PAX6: variants seen among roughly 807,000 people sequenced by gnomAD.
PAX6 encodes paired box protein Pax-6.
In PAX6, 7 loss-of-function variants were observed where a neutral mutation model predicts 60.7. That is an observed-to-expected ratio of 0.12 (90% CI 0.07 to 0.22). The LOEUF (loss-of-function observed/expected upper bound fraction) is 0.22. PAX6 is among the 10% of genes least tolerant of loss of function. The pLI is 1.00. For missense variants in PAX6, 355 were observed against 555.2 expected (o/e 0.64, Z 3.62); for synonymous variants, 208 against 201.2 (o/e 1.03, Z -0.29).
intron 8 of PAX6, among the ~76,000 whole-genome samples, chr11:31,796,152 C>T (rs1160946689): frequency 6.6e-6 from 1 of 152,220 alleles, no homozygotes; most frequent in African/African-American, 2.4e-5. Flanking sequence ...CATATGGGCC[C>T]TTGGAGATCT....
At chr11:31,808,197 G>T (rs1390808580) in intron 2 of PAX6, 3 of 151,906 alleles carry the variant, frequency 2.0e-5, no homozygotes, top group Non-Finnish European at 4.4e-5. Context: ...TTATTGATCT[G>T]CCTGCCTGCA....
intron 8 of PAX6, among the ~76,000 whole-genome samples, chr11:31,797,066 C>T (rs970037642): frequency 2.6e-5 from 4 of 152,126 alleles, no homozygotes; most frequent in Non-Finnish European, 5.9e-5. Context: ...CTGGAAATAG[C>T]TCCTTTTGGC....
rs369667129 is a variant in PAX6 at position 31,794,169 on chromosome 11, A to G, written c.725-55T>C. The G allele has an allele frequency of 9.4e-4, 1,116 of 1,193,064 alleles. 4 individuals carry two copies. Among genetic ancestry groups the G allele is most frequent in the Non-Finnish European group, 7.6e-4 (605 of 795,458 alleles). 73.9% of individuals were successfully genotyped at this position (1,193,064 alleles called of 1,614,324 possible). On this transcript the variant is annotated intron_variant, in intron 9 of 13. Coordinates refer to ENST00000640368, the MANE Select transcript of PAX6 (RefSeq NM_001368894.2). Reference sequence around the variant, plus strand: ...TGCCAGAACTACACAAAATATGTTGACCAAACTGTGCATCAAACTGGTTCC... The same window carrying G: ...TGCCAGAACTACACAAAATATGTTGGCCAAACTGTGCATCAAACTGGTTCC...
chr11:31,793,284 G>A lies in PAX6; in HGVS notation c.1074+154C>T, dbSNP rs533995423. 5 of 724,574 alleles carry A rather than the reference G, an allele frequency of 6.9e-6. No individual in the cohort carries two copies. In the Admixed American group the frequency reaches 9.8e-5, roughly 14 times the overall value. 44.9% of individuals were successfully genotyped at this position (724,574 alleles called of 1,614,324 possible). On this transcript the variant is annotated intron_variant, in intron 12 of 13. Coordinates refer to ENST00000640368, the MANE Select transcript of PAX6 (RefSeq NM_001368894.2). The stretch of plus-strand genomic sequence containing the variant: ...ATGAGTCAATCACTTAAAAGTGATG[G>A]GATTGACTGTCTCCGACTTGACTGG...
chr11:31,803,026 C>G, intron 4 of PAX6, 192 bp from the exon 5 acceptor site: 1 of 663,780 alleles, frequency 1.5e-6, no homozygotes, highest in East Asian at 2.7e-5. Context: ...CAACCTGTGC[C>G]AACCTCGGCG....
At chr11:31,790,232 G>A in intron 13 of PAX6, 2 of 529,422 alleles carry the variant, frequency 3.8e-6, no homozygotes, top group Non-Finnish European at 6.4e-6. Flanking sequence ...TGGATCCCAA[G>A]TACCCCCCAC....
intron 12 of PAX6, 89 bp downstream of exon 12, chr11:31,793,349 C>CAGA (rs1565196872): frequency 9.3e-7 from 1 of 1,077,632 alleles, no homozygotes; most frequent in South Asian, 1.2e-5. Context: ...CTCAAGGGTG[C>CAGA]AGACACAGCC....
At chr11:31,799,278 C>T (rs1192049356) in intron 8 of PAX6, among the ~76,000 whole-genome samples, 1 of 151,960 alleles carries the variant, frequency 6.6e-6, no homozygotes, top group East Asian at 1.9e-4. Flanking sequence ...GCGGCGGGTT[C>T]GGGGCCCGTG....
chr11:31,806,016 C>T (rs1955682095), intron 4 of PAX6: 1 of 250,886 alleles, frequency 4.0e-6, no homozygotes. Context: ...CCAAAGGGGC[C>T]TCCTTCTCGC....
upstream of PAX6, chr11:31,813,216 C>T (rs1001422533): frequency 6.6e-6 from 1 of 152,124 alleles, no homozygotes; most frequent in East Asian, 1.9e-4. Flanking sequence ...GGTTTCATTT[C>T]GCAGGAGCGC....
intron 1 of PAX6, chr11:31,817,699 C>G (rs1382752744): frequency 1.3e-5 from 2 of 152,262 alleles, no homozygotes; most frequent in Non-Finnish European, 2.9e-5. Flanking sequence ...AAGCAAAAAT[C>G]AAGCCCCGGG....
At chr11:31,813,694 C>A (rs1359847995), upstream of PAX6, among the ~76,000 whole-genome samples, 1 of 152,132 alleles carries the variant, frequency 6.6e-6, no homozygotes, top group Non-Finnish European at 1.5e-5. Flanking sequence ...CCTGGAAACT[C>A]CTCCGCACAA....
chr11:31,812,296 CTCTCTCTGTGTG>C (rs974883506), upstream of PAX6: 2 of 109,938 alleles, frequency 1.8e-5, no homozygotes, highest in African/African-American at 8.7e-5. Flanking sequence ...GATTCTCTCT[CTCTCTCTGTGTG>C]TGTGTGTGTG....
chr11:31,794,682 C>T lies in PAX6; in HGVS notation c.672G>A (p.Leu224=). 1.2e-6 allele frequency: 2 copies of T among 1,614,196 alleles called. No homozygotes were observed. Among genetic ancestry groups the T allele is most frequent in the Admixed American group, 1.7e-5 (1 of 60,032 alleles). Residue 224 remains leucine, a synonymous_variant, in exon 9 of 14, where the codon CTG becomes CTA. Transcript: ENST00000640368. ...GGGTAAAGGATGTTCTATTTCTTTG[C>T]AGCTTCCGCTTCAGCTGAAGTCGCA... ...AQMRLQLKRK[L]QRNRTSFTQE...
chr11:31,802,911 G>T, intron 4 of PAX6, 77 bp from the exon 5 acceptor site: 1 of 1,405,676 alleles, frequency 7.1e-7, no homozygotes, highest in Non-Finnish European at 9.9e-7. Flanking sequence ...GGGAGAAGAA[G>T]GAAGAGGAAG....
At chr11:31,801,276 G>T (rs1953742928) in intron 7 of PAX6, 2 of 1,395,236 alleles carry the variant, frequency 1.4e-6, no homozygotes, top group Non-Finnish European at 1.9e-6. Context: ...TTACAATCTG[G>T]TTCTCATTTT....
intron 4 of PAX6, chr11:31,806,133 G>A: frequency 4.1e-6 from 2 of 482,070 alleles, no homozygotes; most frequent in East Asian, 3.5e-5. Context: ...ATTTGGGGGG[G>A]ATGGGGTTTC....
intron 8 of PAX6, among the ~76,000 whole-genome samples, chr11:31,796,345 C>G (rs1448291392): frequency 6.6e-6 from 1 of 152,118 alleles, no homozygotes; most frequent in African/African-American, 2.4e-5. Flanking sequence ...TGCAGCGGGC[C>G]ACATTGTGTT....
At chr11:31,813,574 C>T (rs1178245252), upstream of PAX6, among the ~76,000 whole-genome samples, 2 of 152,074 alleles carry the variant, frequency 1.3e-5, no homozygotes, top group Admixed American at 1.3e-4. Context: ...ACCCCTCCAA[C>T]CCCCATCTCG....
Sources: allele counts gnomAD v4.1 joint callset (sites outside exome capture counted in the v4.1 genomes callset), GRCh38; gene constraint gnomAD v4.1.1; transcripts MANE v1.5; gene names NCBI Gene and HGNC (gene_info 2026-07-23, HGNC 2026-07-21).